AUTS2: variants seen among roughly 807,000 people sequenced by gnomAD.
The protein encoded by AUTS2 is activator of transcription and developmental regulator AUTS2.
AUTS2 carries 17 observed loss-of-function variants against 112.4 expected under a neutral mutation model. That is an observed-to-expected ratio of 0.15 (90% CI 0.10 to 0.23). AUTS2 has a LOEUF of 0.23. Among genes scored for constraint, AUTS2 ranks in the 10% least tolerant of loss-of-function variants. The probability of loss-of-function intolerance (pLI) is 1.00; values close to 1 mark genes in which losing one functional copy is unlikely to be tolerated. For missense variants in AUTS2, 1,510 were observed against 1,701.6 expected, an observed-to-expected ratio of 0.89 and a Z score of 1.98; for synonymous variants, 751 against 702.7, an observed-to-expected ratio of 1.07 and a Z score of -1.09.
chr7:70,610,986 T>G (rs1804063938), intron 5 of AUTS2, among the ~76,000 whole-genome samples: 1 of 152,236 alleles, frequency 6.6e-6, no homozygotes, highest in Admixed American at 6.5e-5. Context: ...ATTTTTTAGT[T>G]TGATGCAATC....
chr7:70,323,110 G>C (rs1790330174), intron 4 of AUTS2, among the ~76,000 whole-genome samples: 1 of 152,170 alleles, frequency 6.6e-6, no homozygotes, highest in Non-Finnish European at 1.5e-5. Flanking sequence ...AGGAAAGTTA[G>C]GATACTATTT....
chr7:69,602,040 A>ATGTGTGTGTGTG (rs6150156), intron 1 of AUTS2, among the ~76,000 whole-genome samples: 1 of 46,268 alleles, frequency 2.2e-5, no homozygotes, highest in Non-Finnish European at 4.6e-5. Context: ...ATATATATAT[A>ATGTGTGTGTGTG]TGTGTGTGTG....
chr7:70,315,638 T>C (rs757078280), intron 4 of AUTS2, among the ~76,000 whole-genome samples: 1 of 152,158 alleles, frequency 6.6e-6, no homozygotes, highest in Non-Finnish European at 1.5e-5. Flanking sequence ...CTATCCCTTT[T>C]TCCCAAAGTA....
Position 70,693,848 on chromosome 7 carries a change from G to A in AUTS2, c.691-4721G>A, listed in dbSNP as rs993007986. Among the ~76,000 whole-genome samples the A allele has an allele frequency of 3.3e-5, 5 of 152,200 alleles. No homozygotes were observed. The East Asian group carries it at 9.7e-4, about 30-fold the overall frequency. On this transcript the variant is annotated intron_variant, in intron 5 of 18. Coordinates refer to ENST00000342771, the MANE Select transcript of AUTS2 (RefSeq NM_015570.4). ...TTCCGCCGCGCCCGCCCGCAAGGAA[G>A]GCAGCCGGGGGGAGCCGAGGGCTCG... is the stretch of plus-strand genomic sequence containing the variant.
At chr7:70,408,302 C>G (rs937868887) in intron 4 of AUTS2, among the ~76,000 whole-genome samples, 24 of 152,042 alleles carry the variant, frequency 1.6e-4, no homozygotes, top group African/African-American at 4.3e-4. Flanking sequence ...AGGGTCAGCT[C>G]AGGAAATGGT....
intron 6 of AUTS2, among the ~76,000 whole-genome samples, chr7:70,729,406 G>C (rs1787230745): frequency 1.3e-5 from 2 of 152,318 alleles, no homozygotes; most frequent in South Asian, 4.1e-4. Context: ...ATGATGCCCA[G>C]TTTCTGTTCT....
At chr7:70,015,722 T>C (rs1447766545) in intron 2 of AUTS2, among the ~76,000 whole-genome samples, 1 of 152,162 alleles carries the variant, frequency 6.6e-6, no homozygotes, top group Non-Finnish European at 1.5e-5. Flanking sequence ...TTAAGAAAAA[T>C]TGGTAAAGCA....
intron 1 of AUTS2, among the ~76,000 whole-genome samples, chr7:69,625,684 C>T (rs879589514): frequency 3.3e-5 from 5 of 152,008 alleles, no homozygotes; most frequent in Non-Finnish European, 7.4e-5. Context: ...AACAGTGAGA[C>T]CCTGTTCTAT....
At chr7:70,180,864 C>T (rs976892329) in intron 4 of AUTS2, among the ~76,000 whole-genome samples, 3 of 152,094 alleles carry the variant, frequency 2.0e-5, no homozygotes, top group East Asian at 1.9e-4. Flanking sequence ...CCTCTATTGA[C>T]TATTGTGTTT....
intron 4 of AUTS2, among the ~76,000 whole-genome samples, chr7:70,384,660 GA>G (rs1240609095): frequency 6.6e-6 from 1 of 152,196 alleles, no homozygotes; most frequent in African/African-American, 2.4e-5. Flanking sequence ...TGTTGCTCTG[GA>G]CTGCTGGCAA....
At chr7:70,581,208 C>G (rs1379220229) in intron 5 of AUTS2, among the ~76,000 whole-genome samples, 5 of 151,860 alleles carry the variant, frequency 3.3e-5, no homozygotes, top group Non-Finnish European at 7.4e-5. Flanking sequence ...CGTGGTGAAA[C>G]CCCCATCTCT....
intron 1 of AUTS2, among the ~76,000 whole-genome samples, chr7:69,735,913 A>G (rs1787009584): frequency 6.6e-6 from 1 of 152,170 alleles, no homozygotes; most frequent in African/African-American, 2.4e-5. Context: ...AGTCCTTTCT[A>G]ACATAAAAAG....
intron 2 of AUTS2, among the ~76,000 whole-genome samples, chr7:70,003,479 A>ATATATATAATTATGAATATGTTATATATG: frequency 1.3e-5 from 1 of 79,190 alleles, no homozygotes; most frequent in Non-Finnish European, 2.2e-5. Context: ...TTATATATGA[A>ATATATATAATTATGAATATGTTATATATG]TATATATAAT....
chr7:69,930,186 A>G (rs932934547), intron 2 of AUTS2, among the ~76,000 whole-genome samples: 15 of 152,162 alleles, frequency 9.9e-5, no homozygotes, highest in Non-Finnish European at 2.9e-5. Flanking sequence ...GCGAGTCCCA[A>G]GAAATGTTCT....
chr7:70,301,587 T>A (rs1391204505), intron 4 of AUTS2, among the ~76,000 whole-genome samples: 1 of 152,196 alleles, frequency 6.6e-6, no homozygotes, highest in African/African-American at 2.4e-5. Context: ...TTCTTTCCAG[T>A]GCTTCCTTCC....
chr7:69,989,664 A>C (rs1798658977), intron 2 of AUTS2, among the ~76,000 whole-genome samples: 2 of 152,114 alleles, frequency 1.3e-5, no homozygotes, highest in Admixed American at 6.5e-5. Flanking sequence ...CTTTCAGATG[A>C]ATGCAACTGG....
intron 1 of AUTS2, among the ~76,000 whole-genome samples, chr7:69,780,657 G>A (rs1415354117): frequency 1.3e-5 from 2 of 152,208 alleles, no homozygotes; most frequent in Non-Finnish European, 2.9e-5. Flanking sequence ...CTACACACAG[G>A]AACCTGAAAG....
intron 1 of AUTS2, among the ~76,000 whole-genome samples, chr7:69,761,860 T>C (rs1788199034): frequency 6.6e-6 from 1 of 152,220 alleles, no homozygotes; most frequent in Admixed American, 6.5e-5. Context: ...ACAAACTCTG[T>C]GCAGTAGAGA....
At chr7:70,425,648 A>G (rs753094836) in intron 4 of AUTS2, among the ~76,000 whole-genome samples, 1 of 152,236 alleles carries the variant, frequency 6.6e-6, no homozygotes, top group Non-Finnish European at 1.5e-5. Context: ...AGGGACAACC[A>G]GCCTGCACTT....
Sources: allele counts gnomAD v4.1 joint callset (sites outside exome capture counted in the v4.1 genomes callset), GRCh38; gene constraint gnomAD v4.1.1; transcripts MANE v1.5; gene names NCBI Gene and HGNC (gene_info 2026-07-23, HGNC 2026-07-21).